The following KIR3DL1 variants were observed in gnomAD, a reference collection of about 807,000 sequenced individuals.
KIR3DL1 encodes the protein killer cell immunoglobulin-like receptor 3DL1.
A neutral mutation model predicts 40.3 loss-of-function variants in KIR3DL1; 50 were observed. That is an observed-to-expected ratio of 1.24 (90% CI 0.99 to 1.57). KIR3DL1 has a LOEUF of 1.57. Ranked by LOEUF, KIR3DL1 falls within the 40% of genes most tolerant of loss-of-function variation. KIR3DL1 has a pLI of 0.00. For missense variants in KIR3DL1, 661 were observed against 559.9 expected (o/e 1.18, Z -1.82); for synonymous variants, 257 against 207.2 (o/e 1.24, Z -2.07).
At chr19:54,816,773 TATGTGCCTGGGGTGGAGAG>T (rs1442852978) in intron 1 of KIR3DL1, among the ~76,000 whole-genome samples, 7 of 110,488 alleles carry the variant, frequency 6.3e-5, no homozygotes, top group East Asian at 5.8e-4. Flanking sequence ...GGGGTGGAGA[TATGTGCCTGGGGTGGAGAG>T]ATGGGCCTGG....
At position 54,817,407 on chromosome 19, in the gene KIR3DL1, G is replaced by A. The variant is rs1381588405; in HGVS notation, c.35-127G>A. 9 of 800,700 alleles carry A rather than the reference G, an allele frequency of 1.1e-5. 1 individual carries two copies. The African/African-American group carries it at 1.1e-4, about 10-fold the overall frequency. The allele number at this position is 800,700 out of a possible 1,614,324, so 49.6% of individuals were successfully genotyped here. ...AGATCCTTGTTCCTGGGGGCAGGTA[G>A]GCAGCGAGGGTGAGTTTACCTTCAG... On this transcript the variant is annotated intron_variant, in intron 1 of 8. Coordinates refer to ENST00000391728, the Ensembl canonical transcript of KIR3DL1.
chr19:54,827,928 AAT>A (rs2061992208), intron 6 of KIR3DL1, among the ~76,000 whole-genome samples: 1 of 149,310 alleles, frequency 6.7e-6, no homozygotes, highest in Non-Finnish European at 1.5e-5. Context: ...CACCTGTGGA[AAT>A]ACAGATAGAT....
exon 3 of KIR3DL1, chr19:54,818,586 G>A: frequency 6.2e-7 from 1 of 1,610,178 alleles, no homozygotes; most frequent in Non-Finnish European, 8.5e-7. Context: ...ACCCCGTGGT[G>A]ATCATGGTCA....
intron 1 of KIR3DL1, 39 bp from the exon 2 acceptor site, chr19:54,817,494 TG>T: frequency 6.9e-7 from 1 of 1,454,658 alleles, no homozygotes; most frequent in Non-Finnish European, 9.4e-7. Context: ...TGCCCTGGTT[TG>T]CCTGCAGAGG....
chr19:54,819,563 G>A, intron 3 of KIR3DL1, 150 bp from the exon 4 acceptor site: 1 of 928,172 alleles, frequency 1.1e-6, no homozygotes, highest in South Asian at 1.6e-5. Flanking sequence ...GGAGGCACCT[G>A]CACCAGGGGA....
At chr19:54,826,545 C>G (rs1329605980) in intron 6 of KIR3DL1, among the ~76,000 whole-genome samples, 2 of 146,190 alleles carry the variant, frequency 1.4e-5, no homozygotes, top group African/African-American at 5.2e-5. Context: ...GTCTGAAACT[C>G]CCAACCTCAA....
rs1404930163 is a variant in KIR3DL1 at position 54,825,275 on chromosome 19, C to A, written c.1000+197C>A. Among the ~76,000 whole-genome samples, 34 of 150,186 alleles carry A rather than the reference C, an allele frequency of 2.3e-4. 2 individuals carry two copies. The highest frequency in any genetic ancestry group is 1.6e-3 in the Admixed American group (25 of 15,188). On this transcript the variant is annotated intron_variant, in intron 6 of 8. Transcript: ENST00000391728. The stretch of plus-strand genomic sequence containing the variant: ...AGCGAAGTCTCTTAACCTTTAATGT[C>A]CTGCAGGTGAGACCTCCTACAAGCT...
rs186189278 is a variant in KIR3DL1, at chr19:54,818,634, C to A, written c.355+35C>A. 3 of 1,589,054 alleles carry A rather than the reference C, an allele frequency of 1.9e-6. No homozygotes were observed. In the East Asian group the frequency reaches 6.7e-5, roughly 36 times the overall value. Reference sequence around the variant, plus strand: ...TTTCCGTCTGGGCTTCTCACTGTCCCACCTCCTGAATCCCAGAGCTTCTGG... The same window carrying A: ...TTTCCGTCTGGGCTTCTCACTGTCCAACCTCCTGAATCCCAGAGCTTCTGG... On this transcript the variant is annotated intron_variant, in intron 3 of 8. Coordinates refer to ENST00000391728, the Ensembl canonical transcript of KIR3DL1.
At chr19:54,827,783 G>A (rs2061981480) in intron 6 of KIR3DL1, among the ~76,000 whole-genome samples, 1 of 150,486 alleles carries the variant, frequency 6.6e-6, no homozygotes, top group Non-Finnish European at 1.5e-5. Flanking sequence ...CTTTCTGTGA[G>A]CATGAGATCA....
intron 4 of KIR3DL1, 51 bp downstream of exon 4, chr19:54,820,063 G>T (rs2061560243): frequency 6.4e-7 from 1 of 1,571,996 alleles, no homozygotes; most frequent in African/African-American, 1.4e-5. Context: ...CAGAGTGAAT[G>T]ATCCAGGACT....
At position 54,825,120 on chromosome 19, in the gene KIR3DL1, G is replaced by A. The variant is rs1161520922; in HGVS notation, c.1000+42G>A. ...TCTTATCTCTGCTTTTGGAAACCTG[G>A]GGAGGTGGAAGCCTTGGATGCAAGT... On this transcript the variant is annotated intron_variant, in intron 6 of 8. Transcript: ENST00000391728. 2.0e-5 allele frequency: 27 copies of A among 1,324,358 alleles called. 1 individual carries two copies. Among genetic ancestry groups the A allele is most frequent in the African/African-American group, 3.0e-5 (2 of 67,318 alleles). 82.0% of individuals were successfully genotyped at this position (1,324,358 alleles called of 1,614,324 possible).
chr19:54,826,419 A>T (rs2061892701), intron 6 of KIR3DL1, among the ~76,000 whole-genome samples: 1 of 147,742 alleles, frequency 6.8e-6, no homozygotes, highest in Non-Finnish European at 1.5e-5. Flanking sequence ...GATCCAAGTG[A>T]TTCTCCTGCC....
At chr19:54,820,910 GGATA>G (rs2061599349) in intron 4 of KIR3DL1, among the ~76,000 whole-genome samples, 1 of 150,932 alleles carries the variant, frequency 6.6e-6, no homozygotes, top group Admixed American at 6.6e-5. Context: ...GATGATAGAT[GGATA>G]GATAGACGTA....
At chr19:54,822,423 G>A (rs1197477658) in intron 5 of KIR3DL1, among the ~76,000 whole-genome samples, 4 of 151,194 alleles carry the variant, frequency 2.6e-5, no homozygotes, top group Admixed American at 1.3e-4. Flanking sequence ...TCAGGAACTC[G>A]AGATCACCCT....
exon 9 of KIR3DL1, chr19:54,830,272 A>G: frequency 6.6e-7 from 1 of 1,523,928 alleles, no homozygotes. Flanking sequence ...TCTCCTGCCC[A>G]TGAGCACCAC....
At chr19:54,817,818 G>C (rs1601303309) in intron 2 of KIR3DL1, among the ~76,000 whole-genome samples, 1 of 140,814 alleles carries the variant, frequency 7.1e-6, no homozygotes, top group Non-Finnish European at 1.6e-5. Flanking sequence ...GTCAGCAGCA[G>C]AGAAAGAGAG....
In KIR3DL1 at chr19:54,821,558, C is replaced by T. The variant is rs376225957; in HGVS notation, c.656-7C>T. ...CTCCCTGAGGAAACTGCCTCTTCTC[C>T]TTCCAGGTCCATATGAGAAACCTTC... On this transcript the variant is annotated splice_region_variant and splice_polypyrimidine_tract_variant and intron_variant, in intron 4 of 8. Coordinates refer to ENST00000391728, the Ensembl canonical transcript of KIR3DL1. 1.1e-5 allele frequency: 18 copies of T among 1,601,132 alleles called. 1 individual carries two copies. In the African/African-American group the frequency reaches 1.8e-4, roughly 16 times the overall value.
intron 7 of KIR3DL1, 128 bp downstream of exon 7, chr19:54,829,593 C>T: frequency 4.7e-6 from 4 of 853,622 alleles, no homozygotes; most frequent in African/African-American, 1.7e-5. Flanking sequence ...AGAGGCAGGA[C>T]TTTCTAGAGA....
intron 5 of KIR3DL1, among the ~76,000 whole-genome samples, chr19:54,822,116 T>C (rs1014987111): frequency 2.0e-5 from 3 of 151,078 alleles, no homozygotes; most frequent in South Asian, 2.1e-4. Context: ...AAGGGGAGAC[T>C]GGGCTTAGTT....
Sources: gnomAD v4.1 joint callset for allele counts (sites outside exome capture counted in the v4.1 genomes callset) on GRCh38, gnomAD v4.1.1 for gene constraint, MANE v1.5 for transcripts, NCBI Gene and HGNC (gene_info 2026-07-23, HGNC 2026-07-21) for gene names.